KCNQ1OT1: variants seen among roughly 807,000 people sequenced by gnomAD.
KCNQ1OT1 encodes KCNQ1 opposite strand/antisense transcript 1.
At chr11:2,650,857 G>C in exon 1 of KCNQ1OT1, 1 of 398,640 alleles carries the variant, frequency 2.5e-6, no homozygotes, top group Non-Finnish European at 4.4e-6. Context: ...GAGGATGAGT[G>C]AGATGATTTA....
In KCNQ1OT1 at chr11:2,642,667, C is replaced by T. The variant is rs1849598048; in HGVS notation, n.57328G>A. On this transcript the variant is annotated non_coding_transcript_exon_variant, in exon 1 of 1. Transcript: ENST00000597346. This position sits in a 1 kb window ranked among gnomAD's most constrained non-coding sequence, Gnocchi z 4.3. Reference sequence around the variant, plus strand: ...TTATTTAGTTTCTTGTTTAGTTCTGCTCTGATCTTCGTTATTTCTTTCCTT... The same window carrying T: ...TTATTTAGTTTCTTGTTTAGTTCTGTTCTGATCTTCGTTATTTCTTTCCTT... 2 of 397,658 alleles carry T rather than the reference C, an allele frequency of 5.0e-6. No homozygotes were observed. Among genetic ancestry groups the T allele is most frequent in the African/African-American group, 4.1e-5 (2 of 48,576 alleles). The allele number at this position is 397,658 out of a possible 1,614,324, so 24.6% of individuals were successfully genotyped here.
rs917355459 is a variant in KCNQ1OT1 at position 2,647,489 on chromosome 11, T to A, written n.52506A>T. 2 of 398,608 alleles carry A rather than the reference T, an allele frequency of 5.0e-6. No individual in the cohort carries two copies. The highest frequency in any genetic ancestry group is 8.8e-5 in the Admixed American group (2 of 22,736). 24.7% of individuals were successfully genotyped at this position (398,608 alleles called of 1,614,324 possible). ...CTGTTATTGTGTCCTTATCTGGTTT[T>A]GGTATCAAGATACTGCTTGCCTCAC... is the stretch of plus-strand genomic sequence containing the variant. On this transcript the variant is annotated non_coding_transcript_exon_variant, in exon 1 of 1. Transcript: ENST00000597346. The surrounding 1 kb of genome is among the most constrained non-coding windows in gnomAD (Gnocchi z 4.0).
Position 2,681,285 on chromosome 11 carries a change from TTCCTG to T in KCNQ1OT1, n.18705_18709del, listed in dbSNP as rs1434568808. Reference sequence around the variant, plus strand: ...GAGAGCTTCACTTTCTCCCTATACCTTCCTGTCCTACCAGCCCACCTGGTTCTCTG... The same window carrying T: ...GAGAGCTTCACTTTCTCCCTATACCTTCCTACCAGCCCACCTGGTTCTCTG... On this transcript the variant is annotated non_coding_transcript_exon_variant, in exon 1 of 1. Transcript: ENST00000597346. 13 of 398,404 alleles carry T rather than the reference TTCCTG, an allele frequency of 3.3e-5. No individual in the cohort carries two copies. The Admixed American group carries it at 5.7e-4, about 18-fold the overall frequency. The allele number at this position is 398,404 out of a possible 1,614,324, so 24.7% of individuals were successfully genotyped here. A position where few individuals can be genotyped will look rare whatever the true frequency, so the allele number is the denominator to read the frequency against.
rs1269638427 is a variant in KCNQ1OT1 at position 2,650,923 on chromosome 11, C to G, written n.49072G>C. ...TTTTTCTCCAAGCCTGGCTGAAAGT[C>G]TTTTTTAAATTATCCTTTTTTCTTA... On this transcript the variant is annotated non_coding_transcript_exon_variant, in exon 1 of 1. Coordinates refer to ENST00000597346, the Ensembl canonical transcript of KCNQ1OT1. 14 of 398,492 alleles carry G rather than the reference C, an allele frequency of 3.5e-5. No homozygotes were observed. The Admixed American group carries it at 6.2e-4, about 18-fold the overall frequency. 24.7% of individuals were successfully genotyped at this position (398,492 alleles called of 1,614,324 possible).
chr11:2,658,928 CTAGAT>C lies in KCNQ1OT1; in HGVS notation n.41062_41066del, dbSNP rs1849900985. 4 of 398,532 alleles carry C rather than the reference CTAGAT, an allele frequency of 1.0e-5. No individual in the cohort carries two copies. Among genetic ancestry groups the C allele is most frequent in the Non-Finnish European group, 1.8e-5 (4 of 226,020 alleles). The allele number at this position is 398,532 out of a possible 1,614,324, so 24.7% of individuals were successfully genotyped here. ...ACCCTATGTGAAGCAAATTTACCTA[CTAGAT>C]TAGAGTGTTTAGGACAGACTTTTGC... On this transcript the variant is annotated non_coding_transcript_exon_variant, in exon 1 of 1. Coordinates refer to ENST00000597346, the Ensembl canonical transcript of KCNQ1OT1. The surrounding 1 kb of genome is among the most constrained non-coding windows in gnomAD (Gnocchi z 4.9).
At chr11:2,648,716 C>G (rs1027179528) in exon 1 of KCNQ1OT1, 5 of 398,462 alleles carry the variant, frequency 1.3e-5, no homozygotes, top group Non-Finnish European at 2.2e-5. Context: ...GGAGAATGTG[C>G]TGTGTGCTAA....
At position 2,670,578 on chromosome 11, in the gene KCNQ1OT1, G is replaced by A; in HGVS notation, n.29417C>T. ...CCAGTATCACTGGGAGATAGGAGCA[G>A]AAGCCAGGGCTCATTCCCAGACACA... On this transcript the variant is annotated non_coding_transcript_exon_variant, in exon 1 of 1. Coordinates refer to ENST00000597346, the Ensembl canonical transcript of KCNQ1OT1. This position sits in a 1 kb window ranked among gnomAD's most constrained non-coding sequence, Gnocchi z 4.9. 2.5e-6 allele frequency: 1 copy of A among 398,346 alleles called. No individual in the cohort carries two copies. The highest frequency in any genetic ancestry group is 4.4e-6 in the Non-Finnish European group (1 of 226,026). 24.7% of individuals were successfully genotyped at this position (398,346 alleles called of 1,614,324 possible). A position where few individuals can be genotyped will look rare whatever the true frequency, so the allele number is the denominator to read the frequency against.
At position 2,657,570 on chromosome 11, in the gene KCNQ1OT1, C is replaced by G; in HGVS notation, n.42425G>C. The G allele has an allele frequency of 2.5e-6, 1 of 398,570 alleles. No individual in the cohort carries two copies. The highest frequency in any genetic ancestry group is 2.1e-5 in the African/African-American group (1 of 48,742). 24.7% of individuals were successfully genotyped at this position (398,570 alleles called of 1,614,324 possible). ...CACCAGCTTCCCCTAATGTTAGCATCTTATATAACCATGGTACATTGACCA... is the reference window on the plus strand; with the variant it reads ...CACCAGCTTCCCCTAATGTTAGCATGTTATATAACCATGGTACATTGACCA... On this transcript the variant is annotated non_coding_transcript_exon_variant, in exon 1 of 1. Transcript: ENST00000597346. This position sits in a 1 kb window ranked among gnomAD's most constrained non-coding sequence, Gnocchi z 4.8.
rs964281472 is a variant in KCNQ1OT1, at chr11:2,646,372, A to G, written n.53623T>C. On this transcript the variant is annotated non_coding_transcript_exon_variant, in exon 1 of 1. Transcript: ENST00000597346. The stretch of plus-strand genomic sequence containing the variant: ...CTCAAAAAATTTTGTAGCCTCTTCA[A>G]TTACTGTTATCAGTATTTTATAGTT... 4.3e-5 allele frequency: 17 copies of G among 398,494 alleles called. No individual in the cohort carries two copies. In the Admixed American group the frequency reaches 6.6e-4, roughly 15 times the overall value. 24.7% of individuals were successfully genotyped at this position (398,494 alleles called of 1,614,324 possible).
chr11:2,619,903 G>A, exon 1 of KCNQ1OT1: 1 of 398,318 alleles, frequency 2.5e-6, no homozygotes, highest in African/African-American at 2.1e-5. Context: ...AGGTCTATAT[G>A]TTGCATGGTA....
chr11:2,686,716 C>T, exon 1 of KCNQ1OT1: 1 of 398,692 alleles, frequency 2.5e-6, no homozygotes, highest in Non-Finnish European at 4.4e-6. Flanking sequence ...GGAAGTCCTA[C>T]TCGGCCCCAC....
In KCNQ1OT1 at chr11:2,657,736, C is replaced by T. The variant is rs570301795; in HGVS notation, n.42259G>A. On this transcript the variant is annotated non_coding_transcript_exon_variant, in exon 1 of 1. Coordinates refer to ENST00000597346, the Ensembl canonical transcript of KCNQ1OT1. The surrounding 1 kb of genome is among the most constrained non-coding windows in gnomAD (Gnocchi z 4.8). ...CATTACATTTATTGTCATCTCTGAT[C>T]GGTGACGGGCTTCTCAGTCTTGTTC... The T allele has an allele frequency of 3.0e-5, 12 of 398,542 alleles. No individual in the cohort carries two copies. The highest frequency in any genetic ancestry group is 1.6e-4 in the African/African-American group (8 of 48,744). 24.7% of individuals were successfully genotyped at this position (398,542 alleles called of 1,614,324 possible).
chr11:2,616,163 CTT>C (rs1452064451), exon 1 of KCNQ1OT1: 1 of 396,172 alleles, frequency 2.5e-6, no homozygotes, highest in South Asian at 1.3e-4. Flanking sequence ...TTTTATCACA[CTT>C]TTTATTTCTG....
exon 1 of KCNQ1OT1, chr11:2,648,438 T>G (rs995379882): frequency 3.3e-5 from 13 of 398,422 alleles, no homozygotes; most frequent in Non-Finnish European, 4.9e-5. Flanking sequence ...GCACTTCTTT[T>G]GTTGTACCCT....
rs192523893 is a variant in KCNQ1OT1, at chr11:2,652,303, T to C, written n.47692A>G. 205 of 398,658 alleles carry C rather than the reference T, an allele frequency of 5.1e-4. No individual in the cohort carries two copies. The highest frequency in any genetic ancestry group is 7.0e-4 in the Non-Finnish European group (159 of 226,072). 24.7% of individuals were successfully genotyped at this position (398,658 alleles called of 1,614,324 possible). On this transcript the variant is annotated non_coding_transcript_exon_variant, in exon 1 of 1. Coordinates refer to ENST00000597346, the Ensembl canonical transcript of KCNQ1OT1. The surrounding 1 kb of genome is among the most constrained non-coding windows in gnomAD (Gnocchi z 5.9). ...GTTTCCAAGGCTTCTCCCTCACTAA[T>C]TGCTTTGATTATTGTGTGAAGTTAA...
At chr11:2,615,927 G>A (rs1849054952) in exon 1 of KCNQ1OT1, 1 of 397,970 alleles carries the variant, frequency 2.5e-6, no homozygotes, top group African/African-American at 2.1e-5. Flanking sequence ...AAGAGTTTGA[G>A]AGGGATTGGT....
At chr11:2,650,294 TC>T (rs1849736736) in exon 1 of KCNQ1OT1, 2 of 398,618 alleles carry the variant, frequency 5.0e-6, no homozygotes, top group East Asian at 3.6e-5. Flanking sequence ...ATTATTGTGT[TC>T]TTTTGGCAAG....
chr11:2,610,314 T>C, exon 1 of KCNQ1OT1: 1 of 398,156 alleles, frequency 2.5e-6, no homozygotes, highest in East Asian at 3.6e-5. Flanking sequence ...TATTGTTACA[T>C]ATATTACATC....
chr11:2,641,555 G>T, exon 1 of KCNQ1OT1: 1 of 398,428 alleles, frequency 2.5e-6, no homozygotes, highest in Non-Finnish European at 4.4e-6. Context: ...CAGATGAGTA[G>T]TTTGCAAATA....
Sources: allele counts gnomAD v4.1 joint callset, GRCh38; gene constraint gnomAD v4.1.1; non-coding constraint Gnocchi (gnomAD v3.1); transcripts MANE v1.5; gene names NCBI Gene and HGNC (gene_info 2026-07-23, HGNC 2026-07-21).